The following THAP12 variants were observed in gnomAD, a reference collection of about 807,000 sequenced individuals.
The protein encoded by THAP12 is 52 kDa repressor of the inhibitor of the protein kinase.
THAP12 carries 20 observed loss-of-function variants against 63.0 expected under a neutral mutation model. The observed-to-expected ratio is 0.32, with a 90% CI of 0.22 to 0.46. The LOEUF (loss-of-function observed/expected upper bound fraction) is 0.46, where lower values mean the gene tolerates loss of function less well. Among genes scored for constraint, THAP12 ranks in the 20% least tolerant of loss-of-function variants. The pLI, the probability that THAP12 is intolerant of heterozygous loss-of-function variation, is 1.00. For synonymous variants in THAP12, 264 were observed against 328.4 expected (o/e 0.80, Z 2.12); for missense variants, 568 against 908.2 (o/e 0.63, Z 4.81).
At chr11:76,378,518 T>C (rs1019899742) in intron 1 of THAP12, among the ~76,000 whole-genome samples, 14 of 152,208 alleles carry the variant, frequency 9.2e-5, no homozygotes, top group African/African-American at 3.1e-4. Flanking sequence ...ATAGCTCTTA[T>C]ATTTAGGCCT....
At chr11:76,367,108 C>T (rs1482136059) in intron 1 of THAP12, among the ~76,000 whole-genome samples, 3 of 149,366 alleles carry the variant, frequency 2.0e-5, no homozygotes, top group African/African-American at 7.4e-5. Flanking sequence ...CAGAGTTTTG[C>T]TCTTGTTGCC....
intron 4 of THAP12, among the ~76,000 whole-genome samples, chr11:76,354,252 G>A (rs1590799316): frequency 2.0e-5 from 3 of 152,206 alleles, no homozygotes; most frequent in Middle Eastern, 6.8e-3. Context: ...AAAATGCAGG[G>A]AGCATCCTTC....
At chr11:76,366,078 C>T (rs1946628649) in intron 1 of THAP12, 106 bp from the exon 2 acceptor site, 1 of 1,254,798 alleles carries the variant, frequency 8.0e-7, no homozygotes, top group African/African-American at 1.5e-5. Flanking sequence ...TCCTGCTCCC[C>T]TCCCTGAGAA....
At chr11:76,370,627 T>C (rs1352303145) in intron 1 of THAP12, among the ~76,000 whole-genome samples, 1 of 152,040 alleles carries the variant, frequency 6.6e-6, no homozygotes, top group African/African-American at 2.4e-5. Flanking sequence ...CCTCCCAAGG[T>C]GCTAGGATTA....
intron 3 of THAP12, 136 bp from the exon 4 acceptor site, chr11:76,355,790 T>C: frequency 1.6e-6 from 1 of 632,130 alleles, no homozygotes; most frequent in Non-Finnish European, 2.5e-6. Context: ...ATTCTTTATA[T>C]AGTACACATT....
chr11:76,368,287 CCTCTAATAAT>C (rs1946646439), intron 1 of THAP12, among the ~76,000 whole-genome samples: 1 of 152,148 alleles, frequency 6.6e-6, no homozygotes. Flanking sequence ...AAGTGCAAGA[CCTCTAATAAT>C]CTTTTTAAAG....
intron 4 of THAP12, among the ~76,000 whole-genome samples, chr11:76,353,500 G>T (rs1039681779): frequency 6.6e-6 from 1 of 152,190 alleles, no homozygotes; most frequent in East Asian, 1.9e-4. Context: ...ATGGGAGATG[G>T]GACAGCTGTA....
At chr11:76,358,183 A>T (rs1284101169) in intron 3 of THAP12, 2 of 147,780 alleles carry the variant, frequency 1.4e-5, no homozygotes, top group African/African-American at 4.9e-5. Context: ...ACCTACACAA[A>T]TTTTTCTAGG....
At position 76,351,133 on chromosome 11, in the gene THAP12, A is replaced by C. The variant is rs1946523267; in HGVS notation, c.2017T>G (p.Phe673Val). The change falls in exon 5 of 5, where the codon TTT becomes GTT. Residue 673 changes from phenylalanine to valine, a missense_variant. Transcript: ENST00000260045. ...AGCAATGCATACACATTAGGAAAAAACTTGATGTCAGGCAGGTGGAGGGCT... is the reference window on the plus strand; with the variant it reads ...AGCAATGCATACACATTAGGAAAAACCTTGATGTCAGGCAGGTGGAGGGCT... The part of the protein sequence containing the change: ...YEALHLPDIK[F>V]FPNVYALLKV... The C allele has an allele frequency of 6.2e-7, 1 of 1,607,630 alleles. No homozygotes were observed. The highest frequency in any genetic ancestry group is 8.5e-7 in the Non-Finnish European group (1 of 1,177,566).
chr11:76,351,086 A>G lies in THAP12; in HGVS notation c.2064T>C (p.Pro688=), dbSNP rs768680812. The G allele has an allele frequency of 2.8e-5, 45 of 1,611,748 alleles. No homozygotes were observed. The Admixed American group carries it at 7.3e-4, about 26-fold the overall frequency. The change falls in exon 5 of 5, where the codon CCT becomes CCC. Residue 688 remains proline, a synonymous_variant. Coordinates refer to ENST00000260045, the MANE Select transcript of THAP12 (RefSeq NM_004705.4). ...YALLKVLCIL[P]VMKVENERYE... is the part of the protein sequence containing the mutation. ...ACCGCTCATTCTCAACCTTCATCAC[A>G]GGAAGAATACACAGGACCTTCAGCA...
Position 76,362,367 on chromosome 11 carries a change from C to T in THAP12, c.211-1304G>A, listed in dbSNP as rs560894670. Among the ~76,000 whole-genome samples the T allele has an allele frequency of 2.6e-5, 4 of 152,336 alleles. No individual in the cohort carries two copies. The South Asian group carries it at 8.3e-4, about 32-fold the overall frequency. On this transcript the variant is annotated intron_variant, in intron 2 of 4. Coordinates refer to ENST00000260045, the MANE Select transcript of THAP12 (RefSeq NM_004705.4). ...AGGTTGGGAAGACATGAAGGGAAAA[C>T]ATGTATCTAAATGGAACACACTATC... is the stretch of plus-strand genomic sequence containing the variant.
intron 2 of THAP12, among the ~76,000 whole-genome samples, chr11:76,365,062 C>T (rs1315685904): frequency 6.6e-6 from 1 of 152,098 alleles, no homozygotes; most frequent in African/African-American, 2.4e-5. Context: ...GGGCGGGTCA[C>T]TTGAGGTCAG....
Position 76,351,787 on chromosome 11 carries a change from T to C in THAP12, c.1363A>G (p.Thr455Ala). The C allele has an allele frequency of 6.2e-7, 1 of 1,613,262 alleles. No individual in the cohort carries two copies. ...VLCLDGINSD[T>A]NIRWNNYIAG... The stretch of plus-strand genomic sequence containing the variant: ...ATATAGTTATTCCATCTAATATTTG[T>C]GTCACTATTTATACCATCTAAACAT... The change falls in exon 5 of 5, where the codon ACA (threonine) becomes GCA (alanine). Residue 455 changes from threonine to alanine, a missense_variant. Physicochemically the swap from Thr to Ala is moderately conservative, Grantham distance 58 (BLOSUM62 0). Coordinates refer to ENST00000260045, the MANE Select transcript of THAP12 (RefSeq NM_004705.4).
rs778130459 is a variant in THAP12, at chr11:76,352,367, G to A, written c.783C>T (p.Ser261=). The change falls in exon 5 of 5, where the codon TCC becomes TCT. Residue 261 remains serine, a synonymous_variant. Coordinates refer to ENST00000260045, the MANE Select transcript of THAP12 (RefSeq NM_004705.4). The part of the protein sequence containing the change: ...LREVRDSHFF[S]IITDDVVDIA... Reference sequence around the variant, plus strand: ...TGTCCACTACATCGTCAGTGATAATGGAAAAGAAGTGTGAGTCTCTCACTT... The same window carrying A: ...TGTCCACTACATCGTCAGTGATAATAGAAAAGAAGTGTGAGTCTCTCACTT... The A allele has an allele frequency of 5.0e-6, 8 of 1,611,872 alleles. No homozygotes were observed. Among genetic ancestry groups the A allele is most frequent in the Middle Eastern group, 2.2e-4 (1 of 4,452 alleles).
In THAP12 at chr11:76,373,380, T is replaced by C. The variant is rs138491354; in HGVS notation, c.89+7368A>G. Among the ~76,000 whole-genome samples, 345 of 151,628 alleles carry C rather than the reference T, an allele frequency of 2.3e-3. 1 individual carries two copies. The highest frequency in any genetic ancestry group is 8.0e-3 in the African/African-American group (329 of 41,382). Reference sequence around the variant, plus strand: ...AAAAAGGAAAAAGAAGTACTATTATTACAACTCACCCCATTGTTTGGAAGA... The same window carrying C: ...AAAAAGGAAAAAGAAGTACTATTATCACAACTCACCCCATTGTTTGGAAGA... On this transcript the variant is annotated intron_variant, in intron 1 of 4. Transcript: ENST00000260045.
At chr11:76,364,531 A>G in intron 2 of THAP12, 1 of 270,280 alleles carries the variant, frequency 3.7e-6, no homozygotes, top group South Asian at 3.1e-5. Flanking sequence ...TACATTAGTT[A>G]CACTGAAACA....
At chr11:76,362,133 A>G (rs1281209326) in intron 2 of THAP12, among the ~76,000 whole-genome samples, 1 of 152,228 alleles carries the variant, frequency 6.6e-6, no homozygotes, top group Non-Finnish European at 1.5e-5. Flanking sequence ...TAAGAGGGAC[A>G]GTAATAAATA....
chr11:76,370,066 T>C (rs1364098703), intron 1 of THAP12, among the ~76,000 whole-genome samples: 1 of 151,688 alleles, frequency 6.6e-6, no homozygotes, highest in Non-Finnish European at 1.5e-5. Flanking sequence ...CAACTGGGAG[T>C]GGGCACAAAA....
intron 1 of THAP12, 58 bp from the exon 2 acceptor site, chr11:76,366,030 T>C: frequency 3.2e-6 from 5 of 1,579,072 alleles, no homozygotes; most frequent in Non-Finnish European, 4.3e-6. Context: ...AATTTCAGCC[T>C]TCAGTTTTAA....
Sources: allele counts gnomAD v4.1 joint callset (sites outside exome capture counted in the v4.1 genomes callset), GRCh38; gene constraint gnomAD v4.1.1; transcripts MANE v1.5; gene names NCBI Gene and HGNC (gene_info 2026-07-23, HGNC 2026-07-21).